Variants in HS3ST5 observed in about 807,000 individuals in gnomAD.
The protein encoded by HS3ST5 is heparan sulfate-glucosamine 3-sulfotransferase 5.
Under a neutral mutation model 25.4 loss-of-function variants are expected in HS3ST5, and 10 were observed. The ratio of observed to expected loss-of-function variants is 0.39; its 90% CI spans 0.24 to 0.67. The LOEUF (loss-of-function observed/expected upper bound fraction) is 0.67, where lower values mean the gene tolerates loss of function less well. Ranked by LOEUF, HS3ST5 falls within the 30% of genes least tolerant of loss-of-function variation. The pLI, the probability that HS3ST5 is intolerant of heterozygous loss-of-function variation, is 0.44. For missense variants in HS3ST5, 324 were observed against 420.7 expected (o/e 0.77, Z 2.01); for synonymous variants, 170 against 162.4 (o/e 1.05, Z -0.36).
intron 1 of HS3ST5, among the ~76,000 whole-genome samples, chr6:114,236,310 T>G (rs537767979): frequency 6.6e-6 from 1 of 152,336 alleles, no homozygotes; most frequent in East Asian, 1.9e-4. Flanking sequence ...TATACATAGG[T>G]ACACTCAGGT....
rs769565557 is a variant in HS3ST5 at position 114,058,120 on chromosome 6, C to G, written c.178G>C (p.Ala60Pro). The part of the protein sequence containing the change: ...ARTQAEFPLR[A>P]LQFKRGLLHE... ...AGCAGGCCACGCTTAAACTGCAGGG[C>G]GCGAAGTGGGAATTCAGCCTGAGTG... The change falls in exon 5 of 5, where the codon GCC (alanine) becomes CCC (proline). Residue 60 changes from alanine (A) to proline (P), a missense_variant. Physicochemically the swap from Ala to Pro is conservative, Grantham distance 27. Coordinates refer to ENST00000312719, the MANE Select transcript of HS3ST5 (RefSeq NM_153612.4). 6.2e-7 allele frequency: 1 copy of G among 1,613,882 alleles called. No individual in the cohort carries two copies. The highest frequency in any genetic ancestry group is 8.5e-7 in the Non-Finnish European group (1 of 1,179,864).
intron 1 of HS3ST5, among the ~76,000 whole-genome samples, chr6:114,313,025 GA>G (rs5879258): frequency 6.2e-3 from 100 of 16,116 alleles, no homozygotes; most frequent in East Asian, 0.032. Context: ...CCCTGCATCA[GA>G]AAAAAAAAAA....
At chr6:114,140,408 G>T (rs999245157) in intron 3 of HS3ST5, among the ~76,000 whole-genome samples, 2 of 152,162 alleles carry the variant, frequency 1.3e-5, no homozygotes, top group African/African-American at 2.4e-5. Flanking sequence ...TTAAATAATT[G>T]TAAAAGTGGT....
At chr6:114,209,726 A>C (rs143848603) in intron 2 of HS3ST5, among the ~76,000 whole-genome samples, 5 of 152,132 alleles carry the variant, frequency 3.3e-5, no homozygotes, top group Non-Finnish European at 5.9e-5. Flanking sequence ...TACAACCTCA[A>C]ATATCTTGGG....
At chr6:114,285,265 G>T (rs1404070045) in intron 1 of HS3ST5, among the ~76,000 whole-genome samples, 1 of 151,936 alleles carries the variant, frequency 6.6e-6, no homozygotes, top group Non-Finnish European at 1.5e-5. Context: ...ACACAGAAGG[G>T]AGCAACATAC....
intron 1 of HS3ST5, among the ~76,000 whole-genome samples, chr6:114,309,577 A>G (rs1775445043): frequency 6.6e-6 from 1 of 152,138 alleles, no homozygotes; most frequent in African/African-American, 2.4e-5. Context: ...TATTAAAAAT[A>G]CAAAAATTAA....
In HS3ST5 at chr6:114,241,714, A is replaced by G. The variant is rs567366916; in HGVS notation, c.-338-12936T>C. Among the ~76,000 whole-genome samples, 3 of 152,308 alleles carry G rather than the reference A, an allele frequency of 2.0e-5. No individual in the cohort carries two copies. In the South Asian group the frequency reaches 6.2e-4, roughly 32 times the overall value. On this transcript the variant is annotated intron_variant, in intron 1 of 4. Transcript: ENST00000312719. ...AAGGTATGTTGAAATGTCTCCAACT[A>G]AACCCGGCTAGGAGATTGGAAAATT...
At chr6:114,292,523 T>C (rs753293864) in intron 1 of HS3ST5, among the ~76,000 whole-genome samples, 2 of 152,228 alleles carry the variant, frequency 1.3e-5, no homozygotes, top group Non-Finnish European at 2.9e-5. Flanking sequence ...ACACAAATTC[T>C]GTGGGACATA....
chr6:114,088,593 C>T (rs1179380237), intron 3 of HS3ST5, among the ~76,000 whole-genome samples: 1 of 152,032 alleles, frequency 6.6e-6, no homozygotes, highest in African/African-American at 2.4e-5. Flanking sequence ...AAGATAGGGA[C>T]TATTTGATAC....
At chr6:114,222,027 T>C (rs1287836143) in intron 2 of HS3ST5, among the ~76,000 whole-genome samples, 1 of 151,718 alleles carries the variant, frequency 6.6e-6, no homozygotes, top group African/African-American at 2.4e-5. Flanking sequence ...ACAAAGAAAA[T>C]TTGCGCAACA....
At chr6:114,073,459 C>T (rs180979142) in intron 3 of HS3ST5, among the ~76,000 whole-genome samples, 22 of 152,104 alleles carry the variant, frequency 1.4e-4, no homozygotes, top group African/African-American at 5.3e-4. Context: ...AAAACAAACC[C>T]CATCAAAAAG....
chr6:114,130,192 G>A (rs972974039), intron 3 of HS3ST5, among the ~76,000 whole-genome samples: 14 of 152,098 alleles, frequency 9.2e-5, no homozygotes, highest in South Asian at 2.1e-4. Context: ...AATTAATTCC[G>A]TGGTTAAACT....
intron 1 of HS3ST5, among the ~76,000 whole-genome samples, chr6:114,247,836 AT>A (rs932744085): frequency 6.0e-5 from 9 of 151,256 alleles, no homozygotes; most frequent in South Asian, 2.1e-4. Flanking sequence ...AGAAACTTGA[AT>A]TTTTTTTAAG....
intron 3 of HS3ST5, among the ~76,000 whole-genome samples, chr6:114,109,223 C>T (rs1268856222): frequency 6.6e-6 from 1 of 152,044 alleles, no homozygotes; most frequent in East Asian, 1.9e-4. Flanking sequence ...GCAACCCTTG[C>T]ACTGATTAAA....
At chr6:114,064,462 G>T (rs1171788921) in intron 3 of HS3ST5, among the ~76,000 whole-genome samples, 2 of 152,204 alleles carry the variant, frequency 1.3e-5, no homozygotes, top group African/African-American at 4.8e-5. Context: ...AAAGGTCAGA[G>T]AATGTGGGCA....
At chr6:114,248,767 T>A (rs1582756766) in intron 1 of HS3ST5, among the ~76,000 whole-genome samples, 1 of 152,324 alleles carries the variant, frequency 6.6e-6, no homozygotes, top group South Asian at 2.1e-4. Flanking sequence ...GAAGCATAAT[T>A]TTAGGAAAAT....
chr6:114,178,365 A>G (rs929313843), intron 2 of HS3ST5, among the ~76,000 whole-genome samples: 1 of 152,220 alleles, frequency 6.6e-6, no homozygotes, highest in African/African-American at 2.4e-5. Flanking sequence ...CAAACATCAC[A>G]AAGTACATAG....
At chr6:114,103,116 T>C (rs2114825995) in intron 3 of HS3ST5, among the ~76,000 whole-genome samples, 1 of 152,360 alleles carries the variant, frequency 6.6e-6, no homozygotes, top group South Asian at 2.1e-4. Flanking sequence ...CAGTCTCAGC[T>C]ACTTGCCTGC....
intron 3 of HS3ST5, among the ~76,000 whole-genome samples, chr6:114,066,270 A>G (rs1457101410): frequency 6.6e-6 from 1 of 152,252 alleles, no homozygotes; most frequent in African/African-American, 2.4e-5. Context: ...GTGATTCTCT[A>G]TGGCAAGTTT....
Sources: gnomAD v4.1 joint callset for allele counts (sites outside exome capture counted in the v4.1 genomes callset) on GRCh38, gnomAD v4.1.1 for gene constraint, MANE v1.5 for transcripts, NCBI Gene and HGNC (gene_info 2026-07-23, HGNC 2026-07-21) for gene names.